Variants in MED12L observed in about 807,000 individuals in gnomAD.
The protein encoded by MED12L is mediator complex subunit 12L.
In MED12L, 60 loss-of-function variants were observed where a neutral mutation model predicts 281.3. The observed-to-expected ratio is 0.21, with a 90% CI of 0.17 to 0.26. The LOEUF (loss-of-function observed/expected upper bound fraction) is 0.26, where lower values mean the gene tolerates loss of function less well. Ranked by LOEUF, MED12L falls within the 10% of genes least tolerant of loss-of-function variation. The probability of loss-of-function intolerance (pLI) is 1.00; values close to 1 mark genes in which losing one functional copy is unlikely to be tolerated. For synonymous variants in MED12L, 974 were observed against 987.2 expected, an observed-to-expected ratio of 0.99 and a Z score of 0.25; for missense variants, 2,146 against 2,680.9, an observed-to-expected ratio of 0.80 and a Z score of 4.41.
intron 41 of MED12L, 23 bp downstream of exon 41, chr3:151,411,530 T>C (rs1404891828): frequency 1.3e-6 from 2 of 1,596,442 alleles, no homozygotes; most frequent in South Asian, 1.1e-5. Flanking sequence ...GAAATGATGA[T>C]GGCAATAATG....
intron 16 of MED12L, among the ~76,000 whole-genome samples, chr3:151,210,767 C>G (rs776931490): frequency 5.9e-5 from 9 of 152,178 alleles, no homozygotes. Context: ...TGTGACTTTT[C>G]GTATCTTGAA....
intron 16 of MED12L, among the ~76,000 whole-genome samples, chr3:151,246,912 C>A (rs1478825334): frequency 6.6e-6 from 1 of 152,006 alleles, no homozygotes; most frequent in African/African-American, 2.4e-5. Flanking sequence ...TGAACTGAAA[C>A]AAATTTACAA....
intron 25 of MED12L, among the ~76,000 whole-genome samples, chr3:151,369,210 A>T (rs1440692729): frequency 6.6e-6 from 1 of 152,208 alleles, no homozygotes; most frequent in Non-Finnish European, 1.5e-5. Context: ...AATCTTGTTG[A>T]TGTAGCTCTC....
intron 8 of MED12L, among the ~76,000 whole-genome samples, chr3:151,163,024 A>G (rs969459129): frequency 3.3e-5 from 5 of 152,188 alleles, no homozygotes; most frequent in African/African-American, 9.7e-5. Context: ...AATGTGAGCT[A>G]TAATGTTTAA....
chr3:151,261,825 A>G (rs1738968805), intron 16 of MED12L, among the ~76,000 whole-genome samples: 2 of 152,234 alleles, frequency 1.3e-5, no homozygotes, highest in East Asian at 3.9e-4. Flanking sequence ...CCTGGGTTCA[A>G]TACATTCTTG....
In MED12L at chr3:151,365,919, G is replaced by T; in HGVS notation, c.3255G>T (p.Leu1085=). The T allele has an allele frequency of 6.2e-7, 1 of 1,613,572 alleles. No individual in the cohort carries two copies. Among genetic ancestry groups the T allele is most frequent in the Non-Finnish European group, 8.5e-7 (1 of 1,179,634 alleles). ...ACCTVLSSEW[L]GVLKALCCSS... The stretch of plus-strand genomic sequence containing the variant: ...GCACTGTTCTTAGTTCAGAATGGCT[G>T]GGGGTTCTGAAGGCTCTTTGTTGTT... The change falls in exon 23 of 45, where the codon CTG becomes CTT. Residue 1085 remains leucine, a synonymous_variant. Coordinates refer to ENST00000687756, the MANE Select transcript of MED12L (RefSeq NM_001393769.1).
intron 5 of MED12L, among the ~76,000 whole-genome samples, chr3:151,149,983 T>C (rs1011308144): frequency 6.6e-6 from 1 of 152,222 alleles, no homozygotes. Context: ...ACTGAAGTCT[T>C]GAACCTCTCA....
chr3:151,200,024 A>G (rs1035190273), intron 16 of MED12L, among the ~76,000 whole-genome samples: 1 of 152,208 alleles, frequency 6.6e-6, no homozygotes. Context: ...ACATGGATGT[A>G]TGTTCATTGG....
Position 151,337,624 on chromosome 3 carries a change from A to T in MED12L, c.2251-12435A>T, listed in dbSNP as rs1178392464. 3 of 604,290 alleles carry T rather than the reference A, an allele frequency of 5.0e-6. No homozygotes were observed. The African/African-American group carries it at 5.6e-5, about 11-fold the overall frequency. 37.4% of individuals were successfully genotyped at this position (604,290 alleles called of 1,614,324 possible). The stretch of plus-strand genomic sequence containing the variant: ...TGCTGCTAATACAGCTACAGTTTAG[A>T]TTAGTTTTCTATATTTTAAGATAGC... On this transcript the variant is annotated intron_variant, in intron 16 of 44. Transcript: ENST00000687756.
intron 16 of MED12L, among the ~76,000 whole-genome samples, chr3:151,297,090 C>T (rs1745203160): frequency 6.6e-6 from 1 of 152,166 alleles, no homozygotes; most frequent in Non-Finnish European, 1.5e-5. Flanking sequence ...ACTATCCTTA[C>T]ACAGGCTAGT....
At chr3:151,175,651 A>G (rs1006917699) in intron 11 of MED12L, among the ~76,000 whole-genome samples, 1 of 152,206 alleles carries the variant, frequency 6.6e-6, no homozygotes, top group African/African-American at 2.4e-5. Flanking sequence ...GGGATAGAAG[A>G]CCTGTGGTTA....
At chr3:151,321,340 G>T (rs562805825) in intron 16 of MED12L, among the ~76,000 whole-genome samples, 7 of 152,152 alleles carry the variant, frequency 4.6e-5, no homozygotes, top group African/African-American at 1.7e-4. Context: ...AGAGAAGGGA[G>T]GTCGTCTCAG....
chr3:151,127,078 TG>T (rs1714650041), intron 4 of MED12L, among the ~76,000 whole-genome samples: 1 of 152,228 alleles, frequency 6.6e-6, no homozygotes. Flanking sequence ...TATAGATGAA[TG>T]GGCTATTCTT....
chr3:151,107,159 T>A (rs1319007344), intron 2 of MED12L, among the ~76,000 whole-genome samples: 3 of 152,140 alleles, frequency 2.0e-5, no homozygotes, highest in Non-Finnish European at 2.9e-5. Context: ...TGCATTTTAG[T>A]TATACTTATT....
rs754912030 is a variant in MED12L, at chr3:151,355,886, A to C, written c.2518-10A>C. ...TTGGTCTTACAATATTTTTGTTTTTATTTGCACAGATTTCTAACAATGTGC... is the reference window on the plus strand; with the variant it reads ...TTGGTCTTACAATATTTTTGTTTTTCTTTGCACAGATTTCTAACAATGTGC... On this transcript the variant is annotated splice_polypyrimidine_tract_variant and intron_variant, in intron 18 of 44. Coordinates refer to ENST00000687756, the MANE Select transcript of MED12L (RefSeq NM_001393769.1). 1.3e-6 allele frequency: 2 copies of C among 1,599,514 alleles called. No individual in the cohort carries two copies. Among genetic ancestry groups the C allele is most frequent in the Non-Finnish European group, 1.7e-6 (2 of 1,175,678 alleles).
In MED12L at chr3:151,432,783, T is replaced by C. The variant is rs1197684581; in HGVS notation, c.6522T>C (p.Tyr2174=). ...AGCCACAGCAAGGAGTGACTCCGTA[T>C]GGGCATCCTTCACACTTCTGAATCT... ...SNQPQQGVTP[Y]GHPSHF is the part of the protein sequence containing the mutation. Residue 2174 remains tyrosine (Y), a synonymous_variant, in exon 45 of 45, where the codon TAT becomes TAC. Transcript: ENST00000687756. The C allele has an allele frequency of 1.2e-6, 2 of 1,613,370 alleles. No homozygotes were observed. The highest frequency in any genetic ancestry group is 1.7e-6 in the Non-Finnish European group (2 of 1,179,662).
chr3:151,238,974 G>T (rs1046276431), intron 16 of MED12L, among the ~76,000 whole-genome samples: 2 of 152,126 alleles, frequency 1.3e-5, no homozygotes, highest in African/African-American at 4.8e-5. Context: ...AAAACTGAAT[G>T]AACTGAGAGA....
At chr3:151,171,726 TGGCACAGA>T (rs1232302330) in intron 11 of MED12L, among the ~76,000 whole-genome samples, 1 of 152,220 alleles carries the variant, frequency 6.6e-6, no homozygotes, top group Non-Finnish European at 1.5e-5. Context: ...TCCTCACCTG[TGGCACAGA>T]GTGTCCCAGG....
chr3:151,324,285 T>C (rs1749323283), intron 16 of MED12L, among the ~76,000 whole-genome samples: 1 of 152,216 alleles, frequency 6.6e-6, no homozygotes, highest in Admixed American at 6.5e-5. Flanking sequence ...GAGTGTGAGC[T>C]GCTTGGGTAA....
Sources: gnomAD v4.1 joint callset for allele counts (sites outside exome capture counted in the v4.1 genomes callset) on GRCh38, gnomAD v4.1.1 for gene constraint, MANE v1.5 for transcripts, NCBI Gene and HGNC (gene_info 2026-07-23, HGNC 2026-07-21) for gene names.